Variants in FAM135B observed in about 807,000 individuals in gnomAD.
FAM135B encodes the protein protein FAM135B.
In FAM135B, 43 loss-of-function variants were observed where a neutral mutation model predicts 127.7. The ratio of observed to expected loss-of-function variants is 0.34; its 90% CI spans 0.26 to 0.43. The LOEUF (loss-of-function observed/expected upper bound fraction) is 0.43, where lower values mean the gene tolerates loss of function less well. Among genes scored for constraint, FAM135B ranks in the 20% least tolerant of loss-of-function variants. The pLI is 1.00. For synonymous variants in FAM135B, 670 were observed against 665.1 expected (o/e 1.01, Z -0.11); for missense variants, 1,558 against 1,725.6 (o/e 0.90, Z 1.72).
At chr8:138,404,782 G>C (rs977712222) in intron 1 of FAM135B, among the ~76,000 whole-genome samples, 34 of 152,006 alleles carry the variant, frequency 2.2e-4, no homozygotes, top group Non-Finnish European at 4.1e-4. Flanking sequence ...ACATCTTCAG[G>C]CTCCACTTCT....
chr8:138,152,503 G>T lies in FAM135B; in HGVS notation c.1972C>A (p.Leu658Ile), dbSNP rs770357820. The T allele has an allele frequency of 6.2e-7, 1 of 1,614,142 alleles. No individual in the cohort carries two copies. ...LREPLDIRSS[L>I]KDSHTEEQEE... ...TGCTCTTCTGTGTGAGAGTCCTTTA[G>T]GGAAGACCTAATATCTAAGGGCTCC... Residue 658 changes from leucine to isoleucine, a missense_variant, in exon 13 of 20, where the codon CTA becomes ATA. Coordinates refer to ENST00000395297, the MANE Select transcript of FAM135B (RefSeq NM_015912.4).
intron 1 of FAM135B, chr8:138,438,176 A>T (rs571517556): frequency 6.6e-6 from 1 of 152,320 alleles, no homozygotes; most frequent in East Asian, 1.9e-4. Context: ...ATTTAAATGC[A>T]AAGTTTTATT....
intron 2 of FAM135B, among the ~76,000 whole-genome samples, chr8:138,330,551 G>A (rs972992844): frequency 2.0e-5 from 3 of 152,062 alleles, no homozygotes; most frequent in African/African-American, 2.4e-5. Context: ...TGCTGCCGCC[G>A]AGTCCAGGAG....
chr8:138,224,555 G>T (rs541442260), intron 7 of FAM135B, among the ~76,000 whole-genome samples: 2 of 152,104 alleles, frequency 1.3e-5, no homozygotes, highest in East Asian at 3.9e-4. Context: ...TGTGACTAAA[G>T]GTTCCACATC....
In FAM135B at chr8:138,298,506, G is replaced by A. The variant is rs552981243; in HGVS notation, c.157+12335C>T. ...ACCCAAGTTCAGAAGCTCTGAATTG[G>A]GAATGAACTTGGTGCATTCAAGAAT... On this transcript the variant is annotated intron_variant, in intron 3 of 19. Transcript: ENST00000395297. Among the ~76,000 whole-genome samples the A allele has an allele frequency of 3.9e-5, 6 of 152,270 alleles. No homozygotes were observed. The South Asian group carries it at 1.2e-3, about 32-fold the overall frequency.
chr8:138,210,010 T>C (rs11993271), intron 7 of FAM135B, among the ~76,000 whole-genome samples: 110,401 of 152,088 alleles, frequency 0.73, 40,324 homozygotes, highest in East Asian at 0.82. Flanking sequence ...TAAGAAGAAA[T>C]GGCCATCAGA....
At chr8:138,229,574 C>A (rs1819750396) in intron 7 of FAM135B, among the ~76,000 whole-genome samples, 1 of 152,092 alleles carries the variant, frequency 6.6e-6, no homozygotes, top group Admixed American at 6.5e-5. Flanking sequence ...CCTTTGTGGG[C>A]AGTTTTACGA....
intron 1 of FAM135B, among the ~76,000 whole-genome samples, chr8:138,465,254 GC>G (rs773041038): frequency 1.8e-4 from 28 of 152,104 alleles, no homozygotes; most frequent in Non-Finnish European, 3.4e-4. Context: ...TCTGCCAATT[GC>G]CCATCATGGT....
intron 7 of FAM135B, among the ~76,000 whole-genome samples, chr8:138,235,124 T>G (rs1820171464): frequency 6.6e-6 from 1 of 152,182 alleles, no homozygotes; most frequent in Admixed American, 6.5e-5. Flanking sequence ...GCCTATTATG[T>G]CTGATGGCTA....
rs1460680752 is a variant in FAM135B, at chr8:138,264,932, GA to G, written c.297+770del. Among the ~76,000 whole-genome samples, 5 of 152,126 alleles carry G rather than the reference GA, an allele frequency of 3.3e-5. No individual in the cohort carries two copies. The South Asian group carries it at 1.0e-3, about 32-fold the overall frequency. ...ATATAATTCTCGATATATTCTAGCA[GA>G]AAAAAATCAGCTCGAATATGGCAAC... On this transcript the variant is annotated intron_variant, in intron 4 of 19. Coordinates refer to ENST00000395297, the MANE Select transcript of FAM135B (RefSeq NM_015912.4).
chr8:138,153,483 C>T (rs184035019), intron 12 of FAM135B, among the ~76,000 whole-genome samples: 2 of 152,186 alleles, frequency 1.3e-5, no homozygotes, highest in East Asian at 1.9e-4. Context: ...CAAAGCAGGG[C>T]GGGGCATCAC....
chr8:138,300,742 C>A, intron 3 of FAM135B, among the ~76,000 whole-genome samples: 1 of 131,786 alleles, frequency 7.6e-6, no homozygotes, highest in African/African-American at 2.8e-5. Flanking sequence ...CCATTTTATC[C>A]ACTTTTTTTT....
intron 1 of FAM135B, among the ~76,000 whole-genome samples, chr8:138,423,657 A>T (rs1439936219): frequency 6.6e-6 from 1 of 152,164 alleles, no homozygotes; most frequent in Non-Finnish European, 1.5e-5. Flanking sequence ...CCAGGGCAAA[A>T]TTAAAATTGC....
At chr8:138,394,072 C>T (rs1832733551) in intron 1 of FAM135B, among the ~76,000 whole-genome samples, 1 of 152,174 alleles carries the variant, frequency 6.6e-6, no homozygotes, top group South Asian at 2.1e-4. Flanking sequence ...GGACAGCACC[C>T]CTGAGTCCCA....
intron 3 of FAM135B, among the ~76,000 whole-genome samples, chr8:138,290,252 A>C (rs1203041591): frequency 6.6e-6 from 1 of 152,194 alleles, no homozygotes; most frequent in East Asian, 1.9e-4. Context: ...TAGAGGAGCA[A>C]GGACTCAGTG....
chr8:138,408,560 T>C (rs770064706), intron 1 of FAM135B, among the ~76,000 whole-genome samples: 51 of 152,282 alleles, frequency 3.3e-4, no homozygotes, highest in Middle Eastern at 3.4e-3. Flanking sequence ...GTGTCATAAA[T>C]ATACTACCTG....
Position 138,242,164 on chromosome 8 carries a change from TTTGTGTGTGTG to T in FAM135B, c.669+767_669+777del, listed in dbSNP as rs1311751782. On this transcript the variant is annotated intron_variant, in intron 7 of 19. Transcript: ENST00000395297. The surrounding 1 kb of genome is among the most constrained non-coding windows in gnomAD (Gnocchi z 9.6). Reference sequence around the variant, plus strand: ...GAGTCAATTACTTATGATAAATCTCTTTGTGTGTGTGTGTGTGTGTGTGTGTGTGTGTGTGT... The same window carrying T: ...GAGTCAATTACTTATGATAAATCTCTTGTGTGTGTGTGTGTGTGTGTGTGT... Among the ~76,000 whole-genome samples the T allele has an allele frequency of 3.7e-5, 5 of 135,208 alleles. No individual in the cohort carries two copies. The highest frequency in any genetic ancestry group is 1.1e-4 in the African/African-American group (4 of 35,378). 88.7% of individuals were successfully genotyped at this position (135,208 alleles called of 152,430 possible). A position where few individuals can be genotyped will look rare whatever the true frequency, so the allele number is the denominator to read the frequency against.
At chr8:138,482,513 G>T (rs541875990) in intron 1 of FAM135B, among the ~76,000 whole-genome samples, 1 of 152,060 alleles carries the variant, frequency 6.6e-6, no homozygotes, top group African/African-American at 2.4e-5. Context: ...TTTAACAAGG[G>T]GCTCCACCTC....
intron 1 of FAM135B, among the ~76,000 whole-genome samples, chr8:138,376,441 A>G (rs1299270555): frequency 1.3e-5 from 2 of 152,106 alleles, no homozygotes; most frequent in Admixed American, 1.3e-4. Context: ...CCTTCTGTGT[A>G]TTCTCCACCC....
Sources: allele counts gnomAD v4.1 joint callset (sites outside exome capture counted in the v4.1 genomes callset), GRCh38; gene constraint gnomAD v4.1.1; non-coding constraint Gnocchi (gnomAD v3.1); transcripts MANE v1.5; gene names NCBI Gene and HGNC (gene_info 2026-07-23, HGNC 2026-07-21).